ITPK1: variants seen among roughly 807,000 people sequenced by gnomAD.
ITPK1 encodes inositol 1,3,4-trisphosphate 5/6-kinase.
A neutral mutation model predicts 45.3 loss-of-function variants in ITPK1; 21 were observed. The observed-to-expected ratio is 0.46, with a 90% CI of 0.33 to 0.67. The LOEUF (loss-of-function observed/expected upper bound fraction) is 0.67, where lower values mean the gene tolerates loss of function less well. Ranked by LOEUF, ITPK1 falls within the 30% of genes least tolerant of loss-of-function variation. The pLI is 0.02. For synonymous variants in ITPK1, 258 were observed against 253.6 expected (o/e 1.02, Z -0.16); for missense variants, 474 against 573.5 (o/e 0.83, Z 1.77).
chr14:93,054,759 A>C (rs1257087782), intron 3 of ITPK1, among the ~76,000 whole-genome samples: 1 of 152,220 alleles, frequency 6.6e-6, no homozygotes, highest in Non-Finnish European at 1.5e-5. Flanking sequence ...TAGAGAATCT[A>C]AGGGCATATA....
At chr14:92,952,895 T>C (rs1188829165) in intron 8 of ITPK1, among the ~76,000 whole-genome samples, 1 of 152,226 alleles carries the variant, frequency 6.6e-6, no homozygotes, top group Non-Finnish European at 1.5e-5. Flanking sequence ...ACCATGAGCC[T>C]CAGGCCGAGT....
At chr14:93,043,303 A>C (rs572364292) in intron 3 of ITPK1, among the ~76,000 whole-genome samples, 1 of 152,218 alleles carries the variant, frequency 6.6e-6, no homozygotes, top group Non-Finnish European at 1.5e-5. Flanking sequence ...GTGCACAGAC[A>C]GAAGGGGAGA....
chr14:92,941,914 GGA>G lies in ITPK1; in HGVS notation c.902-12_902-11del, dbSNP rs1887443558. 1.9e-6 allele frequency: 3 copies of G among 1,609,604 alleles called. No individual in the cohort carries two copies. Among genetic ancestry groups the G allele is most frequent in the African/African-American group, 1.3e-5 (1 of 74,952 alleles). ...CTCACGCCCTCGTAGCCTGGGGGTG[GGA>G]GAGAGACAGCACAAGGGGCGTGAGC... On this transcript the variant is annotated splice_polypyrimidine_tract_variant and intron_variant, in intron 10 of 10. Coordinates refer to ENST00000267615, the MANE Select transcript of ITPK1 (RefSeq NM_014216.6).
intron 10 of ITPK1, 132 bp downstream of exon 10, chr14:92,946,199 C>T (rs1203023577): frequency 1.9e-6 from 2 of 1,034,260 alleles, no homozygotes; most frequent in South Asian, 2.9e-5. Flanking sequence ...CTTCTCGGGG[C>T]TGCACCTCCC....
chr14:93,098,179 G>A (rs1169064669), intron 2 of ITPK1, among the ~76,000 whole-genome samples: 2 of 151,838 alleles, frequency 1.3e-5, no homozygotes, highest in African/African-American at 4.8e-5. Flanking sequence ...ATTAATGGCC[G>A]GGTGCGGTGG....
intron 3 of ITPK1, among the ~76,000 whole-genome samples, chr14:93,043,743 C>G (rs1889662510): frequency 6.6e-6 from 1 of 152,218 alleles, no homozygotes; most frequent in East Asian, 1.9e-4. Context: ...TCCAAGCGCA[C>G]GTCATGCCCA....
chr14:92,953,441 C>G (rs1259821791), intron 8 of ITPK1, among the ~76,000 whole-genome samples: 1 of 152,250 alleles, frequency 6.6e-6, no homozygotes, highest in African/African-American at 2.4e-5. Flanking sequence ...AAGGCACCGA[C>G]AGCCAAGAAG....
chr14:93,069,616 G>C (rs754973957), intron 3 of ITPK1: 1 of 153,168 alleles, frequency 6.5e-6, no homozygotes, highest in Non-Finnish European at 1.5e-5. Context: ...GGCCTGCCCT[G>C]CCCCTGGGCT....
chr14:92,976,020 T>C (rs1885922125), intron 5 of ITPK1, among the ~76,000 whole-genome samples: 1 of 152,202 alleles, frequency 6.6e-6, no homozygotes, highest in Admixed American at 6.5e-5. Context: ...AAGAAGGGCA[T>C]GTTTGCTTCC....
At chr14:93,087,844 A>G (rs1220229711) in intron 2 of ITPK1, among the ~76,000 whole-genome samples, 1 of 152,242 alleles carries the variant, frequency 6.6e-6, no homozygotes, top group Non-Finnish European at 1.5e-5. Context: ...CAGATTCCCA[A>G]GGGGCACTGG....
At chr14:92,999,624 G>C (rs1042565095) in intron 4 of ITPK1, among the ~76,000 whole-genome samples, 1 of 152,236 alleles carries the variant, frequency 6.6e-6, no homozygotes, top group Admixed American at 6.5e-5. Context: ...AGTGAGGGCT[G>C]ATGGCATGAA....
At chr14:93,021,081 T>A (rs1888439349) in intron 3 of ITPK1, among the ~76,000 whole-genome samples, 1 of 152,088 alleles carries the variant, frequency 6.6e-6, no homozygotes, top group Non-Finnish European at 1.5e-5. Context: ...TACTGACCAG[T>A]GGAAACTTCC....
chr14:93,101,820 C>G (rs1253502564), intron 2 of ITPK1, among the ~76,000 whole-genome samples: 2 of 152,172 alleles, frequency 1.3e-5, no homozygotes, highest in Non-Finnish European at 1.5e-5. Context: ...ACTGTGCAAA[C>G]TGATGTTTGA....
intron 5 of ITPK1, among the ~76,000 whole-genome samples, chr14:92,993,026 C>G (rs1403224130): frequency 6.6e-6 from 1 of 152,234 alleles, no homozygotes; most frequent in African/African-American, 2.4e-5. Flanking sequence ...ACTGGTCCCA[C>G]CGGTCACCAT....
At position 92,941,127 on chromosome 14, in the gene ITPK1, A is replaced by G; in HGVS notation, c.*434T>C. 1 of 1,207,306 alleles carries G rather than the reference A, an allele frequency of 8.3e-7. No homozygotes were observed. The highest frequency in any genetic ancestry group is 1.0e-6 in the Non-Finnish European group (1 of 954,222). 74.8% of individuals were successfully genotyped at this position (1,207,306 alleles called of 1,614,324 possible). A position where few individuals can be genotyped will look rare whatever the true frequency, so the allele number is the denominator to read the frequency against. On this transcript the variant is annotated 3_prime_UTR_variant, in exon 11 of 11. Transcript: ENST00000267615. ...TGGGGAGTCAGGCAGAAGGGAAGCCACTCTCACATGCACCGATCAGCCTCC... is the reference window on the plus strand; with the variant it reads ...TGGGGAGTCAGGCAGAAGGGAAGCCGCTCTCACATGCACCGATCAGCCTCC...
chr14:93,062,933 G>A lies in ITPK1; in HGVS notation c.120+13662C>T, dbSNP rs574453426. On this transcript the variant is annotated intron_variant, in intron 3 of 10. Transcript: ENST00000267615. ...AACCGAGGGTCCTGAGCGATCCGGC[G>A]GAATATTTGGTCGACAGGAAAACTC... 5.3e-5 allele frequency among the ~76,000 whole-genome samples: 8 copies of A among 152,336 alleles called. No individual in the cohort carries two copies. The East Asian group carries it at 5.8e-4, about 11-fold the overall frequency.
intron 8 of ITPK1, among the ~76,000 whole-genome samples, chr14:92,955,772 G>A (rs1884683765): frequency 6.6e-6 from 1 of 152,216 alleles, no homozygotes; most frequent in African/African-American, 2.4e-5. Context: ...TCCCACTCAA[G>A]GAACCCCCAT....
chr14:92,987,302 G>T (rs1029203561), intron 5 of ITPK1, among the ~76,000 whole-genome samples: 2 of 152,196 alleles, frequency 1.3e-5, no homozygotes, highest in African/African-American at 4.8e-5. Context: ...GGCTGTGGGG[G>T]TGCAGGAAAG....
intron 3 of ITPK1, among the ~76,000 whole-genome samples, chr14:93,049,445 G>C (rs907233391): frequency 6.6e-6 from 1 of 152,200 alleles, no homozygotes; most frequent in Non-Finnish European, 1.5e-5. Context: ...CAGGGAGAGA[G>C]TGCGCAGGTG....
Sources: allele counts gnomAD v4.1 joint callset (sites outside exome capture counted in the v4.1 genomes callset), GRCh38; gene constraint gnomAD v4.1.1; transcripts MANE v1.5; gene names NCBI Gene and HGNC (gene_info 2026-07-23, HGNC 2026-07-21).